Variants in ANK2 observed in about 807,000 individuals in gnomAD.
ANK2 encodes ankyrin 2, also known as ankyrin-2.
A neutral mutation model predicts 360.5 loss-of-function variants in ANK2; 83 were observed. The observed-to-expected ratio is 0.23, with a 90% CI of 0.19 to 0.28. ANK2 has a LOEUF of 0.28. ANK2 is among the 10% of genes least tolerant of loss of function. The probability of loss-of-function intolerance (pLI) is 1.00; values close to 1 mark genes in which losing one functional copy is unlikely to be tolerated. For synonymous variants in ANK2, 1,740 were observed against 1,759.5 expected (o/e 0.99, Z 0.28); for missense variants, 4,201 against 4,795.7 (o/e 0.88, Z 3.66).
chr4:113,025,935 G>T (rs368063249), intron 2 of ANK2, among the ~76,000 whole-genome samples: 69 of 152,214 alleles, frequency 4.5e-4, no homozygotes, highest in African/African-American at 1.5e-3. Context: ...ACTTTCATGG[G>T]CATTTTAATT....
At chr4:112,861,355 C>T (rs1168615370) in intron 1 of ANK2, among the ~76,000 whole-genome samples, 1 of 152,176 alleles carries the variant, frequency 6.6e-6, no homozygotes, top group African/African-American at 2.4e-5. Flanking sequence ...CTAAGGAATA[C>T]AGAATTCTTC....
chr4:112,796,240 A>G, the ANK2 span, among the ~76,000 whole-genome samples: 92 of 152,254 alleles, frequency 6.0e-4, no homozygotes, highest in African/African-American at 2.1e-3. Context: ...CCTGACCAAC[A>G]TGGAGAAACT....
chr4:113,090,559 A>G (rs1044829534), intron 1 of ANK2, among the ~76,000 whole-genome samples: 1 of 152,158 alleles, frequency 6.6e-6, no homozygotes, highest in Non-Finnish European at 1.5e-5. Flanking sequence ...AGTTGCTTTT[A>G]TATATACATA....
intron 1 of ANK2, among the ~76,000 whole-genome samples, chr4:112,846,875 C>G (rs1346058030): frequency 6.6e-6 from 1 of 152,142 alleles, no homozygotes; most frequent in Admixed American, 6.5e-5. Context: ...ATGTGTTATC[C>G]TTATCTACAA....
the ANK2 span, among the ~76,000 whole-genome samples, chr4:112,771,206 G>A: frequency 8.7e-4 from 133 of 152,284 alleles, 1 homozygote; most frequent in Middle Eastern, 6.8e-3. Context: ...TTCGCCTCCC[G>A]GGTTCAAGCG....
chr4:112,733,075 G>C, the ANK2 span, among the ~76,000 whole-genome samples: 2 of 152,258 alleles, frequency 1.3e-5, no homozygotes, highest in Non-Finnish European at 2.9e-5. Context: ...AAATTAGCCA[G>C]GTGTGGTGGC....
chr4:112,922,584 A>T (rs2091790217), intron 2 of ANK2, among the ~76,000 whole-genome samples: 1 of 152,198 alleles, frequency 6.6e-6, no homozygotes, highest in African/African-American at 2.4e-5. Flanking sequence ...TCTGCTAGGA[A>T]ATATTTGTGA....
intron 42 of ANK2, among the ~76,000 whole-genome samples, chr4:113,368,148 ACTCAT>A (rs1448505863): frequency 3.9e-5 from 6 of 152,140 alleles, no homozygotes; most frequent in Non-Finnish European, 7.3e-5. Context: ...TACACACTTG[ACTCAT>A]CTCACAGGGT....
At chr4:112,821,512 T>TC (rs1395141398) in intron 1 of ANK2, among the ~76,000 whole-genome samples, 1 of 146,866 alleles carries the variant, frequency 6.8e-6, no homozygotes, top group Non-Finnish European at 1.5e-5. Flanking sequence ...TTTTTTTTTA[T>TC]TTTTTTTTTG....
intron 1 of ANK2, among the ~76,000 whole-genome samples, chr4:112,903,724 G>C (rs569838566): frequency 1.3e-5 from 2 of 152,256 alleles, no homozygotes; most frequent in African/African-American, 4.8e-5. Flanking sequence ...TGTGTAACAT[G>C]TAAATAAATC....
At chr4:112,845,322 GTT>G (rs34457976) in intron 1 of ANK2, among the ~76,000 whole-genome samples, 1 of 147,730 alleles carries the variant, frequency 6.8e-6, no homozygotes. Flanking sequence ...GTACTTAGGT[GTT>G]TTTTTTTTTG....
chr4:112,745,577 A>G, the ANK2 span, among the ~76,000 whole-genome samples: 2 of 126,730 alleles, frequency 1.6e-5, no homozygotes, highest in Non-Finnish European at 3.1e-5. Flanking sequence ...CCTGTTGCCC[A>G]GGCTGGAGTG....
intron 9 of ANK2, 86 bp downstream of exon 9, chr4:113,242,295 C>T (rs2040394551): frequency 8.7e-7 from 1 of 1,142,978 alleles, no homozygotes; most frequent in South Asian, 1.3e-5. Context: ...AGGTCATTAA[C>T]ATAAGCAATG....
intron 1 of ANK2, among the ~76,000 whole-genome samples, chr4:113,079,993 G>T (rs980466354): frequency 1.3e-5 from 2 of 151,370 alleles, no homozygotes; most frequent in African/African-American, 4.9e-5. Flanking sequence ...CTGCCTCCCG[G>T]GTTTAAGGGA....
chr4:113,060,645 G>A (rs993131841), intron 1 of ANK2, among the ~76,000 whole-genome samples: 1 of 144,348 alleles, frequency 6.9e-6, no homozygotes, highest in African/African-American at 2.6e-5. Context: ...ATATGCCTTC[G>A]CTGATTGGTC....
chr4:113,094,456 C>T (rs2090058607), intron 1 of ANK2, among the ~76,000 whole-genome samples: 2 of 152,110 alleles, frequency 1.3e-5, no homozygotes, highest in South Asian at 4.2e-4. Flanking sequence ...GGATTCAAAA[C>T]AATACATCCA....
In ANK2 at chr4:113,318,542, A is replaced by G; in HGVS notation, c.2822A>G (p.Glu941Gly). ...HQVSTLAKEA[E>G]RNSYRLSWGT... ...GTGTCAACTCTAGCCAAGGAGGCAG[A>G]AAGGAATTCTTATCGCCTAAGCTGG... The change falls in exon 26 of 46, where the codon GAA becomes GGA. Residue 941 changes from glutamate (E) to glycine (G), a missense_variant. Glu to Gly is a moderately conservative substitution (Grantham distance 98). Coordinates refer to ENST00000357077, the MANE Select transcript of ANK2 (RefSeq NM_001148.6). The G allele has an allele frequency of 6.2e-7, 1 of 1,613,878 alleles. No homozygotes were observed.
At chr4:112,929,727 C>T (rs1362036083) in intron 2 of ANK2, among the ~76,000 whole-genome samples, 1 of 152,138 alleles carries the variant, frequency 6.6e-6, no homozygotes, top group African/African-American at 2.4e-5. Context: ...CAGAGTCAGG[C>T]GCCTCCATGG....
the ANK2 span, among the ~76,000 whole-genome samples, chr4:112,782,077 C>T: frequency 6.6e-6 from 1 of 152,148 alleles, no homozygotes; most frequent in African/African-American, 2.4e-5. Flanking sequence ...ATCCGCCAGT[C>T]TCGGCCTCCC....
Sources: allele counts gnomAD v4.1 joint callset (sites outside exome capture counted in the v4.1 genomes callset), GRCh38; gene constraint gnomAD v4.1.1; transcripts MANE v1.5; gene names NCBI Gene and HGNC (gene_info 2026-07-23, HGNC 2026-07-21).